Variants in PLB1 observed in about 807,000 individuals in gnomAD.
PLB1 encodes phospholipase B1.
A neutral mutation model predicts 227.4 loss-of-function variants in PLB1; 242 were observed. The observed-to-expected ratio is 1.06, with a 90% confidence interval of 0.96 to 1.18. PLB1 has a LOEUF of 1.18. PLB1 is among the 50% of genes most tolerant of loss of function. PLB1 has a pLI of 0.00. For synonymous variants in PLB1, 757 were observed against 682.2 expected (o/e 1.11, Z -1.71); for missense variants, 1,858 against 1,816.3 (o/e 1.02, Z -0.42).
chr2:28,566,040 C>G (rs1031645225), intron 19 of PLB1, among the ~76,000 whole-genome samples: 1 of 152,166 alleles, frequency 6.6e-6, no homozygotes, highest in Non-Finnish European at 1.5e-5. Context: ...TTTGGGCAGG[C>G]TTATTTCTGC....
chr2:28,550,276 A>T (rs1674020883), intron 16 of PLB1, among the ~76,000 whole-genome samples, 192 bp downstream of exon 16: 1 of 149,862 alleles, frequency 6.7e-6, no homozygotes, highest in Non-Finnish European at 1.5e-5. Context: ...GGGTTCAAGC[A>T]GTTCTCCTGC....
chr2:28,576,557 C>T (rs555119191), intron 21 of PLB1, among the ~76,000 whole-genome samples: 4 of 152,260 alleles, frequency 2.6e-5, no homozygotes, highest in African/African-American at 7.2e-5. Context: ...TGGTGAAATC[C>T]CGTCTCTACT....
intron 34 of PLB1, among the ~76,000 whole-genome samples, 198 bp from the exon 35 acceptor site, chr2:28,598,454 C>G (rs571356101): frequency 1.3e-5 from 2 of 152,296 alleles, no homozygotes; most frequent in Non-Finnish European, 2.9e-5. Flanking sequence ...GCCACCCTGG[C>G]CCACCTAGTC....
At chr2:28,613,431 T>G (rs1273031437) in intron 43 of PLB1, among the ~76,000 whole-genome samples, 13 of 152,212 alleles carry the variant, frequency 8.5e-5, no homozygotes. Context: ...TGCTTCCTTC[T>G]TCCTTCTTTA....
At chr2:28,638,798 A>G (rs1317281661) in intron 56 of PLB1, among the ~76,000 whole-genome samples, 1 of 148,866 alleles carries the variant, frequency 6.7e-6, no homozygotes, top group African/African-American at 2.5e-5. Context: ...GAAGTTTGGA[A>G]CTCACAGAGG....
chr2:28,559,867 T>C (rs1361522439), intron 17 of PLB1, among the ~76,000 whole-genome samples: 3 of 145,884 alleles, frequency 2.1e-5, no homozygotes, highest in Non-Finnish European at 3.0e-5. Context: ...TTCTCATGCC[T>C]CAGCCTCCCA....
chr2:28,594,212 C>A, intron 33 of PLB1: 1 of 340,292 alleles, frequency 2.9e-6, no homozygotes. Flanking sequence ...CCATCGCACA[C>A]TTCGAGAGGC....
chr2:28,571,216 A>G (rs1007571531), intron 20 of PLB1, among the ~76,000 whole-genome samples: 4 of 152,238 alleles, frequency 2.6e-5, no homozygotes, highest in Admixed American at 6.5e-5. Flanking sequence ...TCCATTTACA[A>G]TAGCATCAAA....
Position 28,626,509 on chromosome 2 carries a change from G to C in PLB1, c.3660+1G>C, listed in dbSNP as rs755186608. On this transcript the variant is annotated splice_donor_variant, in intron 51 of 57. Transcript: ENST00000327757. LOFTEE classifies it high-confidence loss of function. ...CTTGTGTCATTACTGTGAGAATCCG[G>C]TAGGCCCCCGACCAACCCCATGGGG... 1.2e-6 allele frequency: 2 copies of C among 1,613,558 alleles called. No homozygotes were observed. Among genetic ancestry groups the C allele is most frequent in the African/African-American group, 1.3e-5 (1 of 74,922 alleles).
At chr2:28,526,920 C>T (rs1465205379) in intron 6 of PLB1, among the ~76,000 whole-genome samples, 2 of 152,284 alleles carry the variant, frequency 1.3e-5, no homozygotes, top group East Asian at 1.9e-4. Flanking sequence ...TTCAGCCCTC[C>T]TGGATCTGAT....
rs542036266 is a variant in PLB1, at chr2:28,604,904, G to A, written c.2961+145G>A. ...GCTGGCAGGTGCAGGCTCCCTGAAC[G>A]CCTGAGCCACATCCGTATGTGCGAG... On this transcript the variant is annotated intron_variant, in intron 41 of 57. Transcript: ENST00000327757. The A allele has an allele frequency of 3.8e-5, 27 of 712,972 alleles. No individual in the cohort carries two copies. In the South Asian group the frequency reaches 3.8e-4, roughly 10 times the overall value. 44.2% of individuals were successfully genotyped at this position (712,972 alleles called of 1,614,324 possible). A position where few individuals can be genotyped will look rare whatever the true frequency, so the allele number is the denominator to read the frequency against.
At chr2:28,571,841 G>C (rs1186063108) in intron 20 of PLB1, among the ~76,000 whole-genome samples, 1 of 151,964 alleles carries the variant, frequency 6.6e-6, no homozygotes, top group African/African-American at 2.4e-5. Flanking sequence ...ACTCTAGGAA[G>C]AAAATACAGG....
chr2:28,628,968 CCCTCTCTGGG>C (rs1410461745), intron 52 of PLB1, 116 bp from the exon 53 acceptor site: 7 of 740,998 alleles, frequency 9.4e-6, no homozygotes, highest in Non-Finnish European at 1.6e-5. Context: ...AAGTTGCATC[CCCTCTCTGGG>C]CCTCAGTTTC....
chr2:28,573,858 G>A (rs1391701062), intron 21 of PLB1, among the ~76,000 whole-genome samples: 2 of 152,218 alleles, frequency 1.3e-5, no homozygotes, highest in African/African-American at 2.4e-5. Flanking sequence ...TATTGGATAC[G>A]AAAGTTCTGG....
Position 28,558,218 on chromosome 2 carries a change from G to A in PLB1, c.1148-4823G>A, listed in dbSNP as rs527456953. ...CTGCCTGCTACAAATTTAGGAGACA[G>A]GAATGGTAGGTTTCAGCTGCCTCTT... On this transcript the variant is annotated intron_variant, in intron 17 of 57. Transcript: ENST00000327757. Among the ~76,000 whole-genome samples, 11 of 151,978 alleles carry A rather than the reference G, an allele frequency of 7.2e-5. No homozygotes were observed. The South Asian group carries it at 2.3e-3, about 32-fold the overall frequency.
chr2:28,635,994 T>G (rs549333716), intron 56 of PLB1, among the ~76,000 whole-genome samples: 1 of 151,480 alleles, frequency 6.6e-6, no homozygotes, highest in South Asian at 2.1e-4. Context: ...TGTGTATGTG[T>G]GTATGTATGT....
intron 21 of PLB1, among the ~76,000 whole-genome samples, chr2:28,575,402 C>T (rs888340712): frequency 1.3e-5 from 2 of 152,158 alleles, no homozygotes; most frequent in African/African-American, 4.8e-5. Context: ...AAACATCACA[C>T]TACCATGTGG....
chr2:28,519,990 G>A (rs111768847), intron 4 of PLB1, among the ~76,000 whole-genome samples: 35 of 151,750 alleles, frequency 2.3e-4, no homozygotes, highest in African/African-American at 6.5e-4. Context: ...GTGTAATGGC[G>A]CAACCTTGGC....
At chr2:28,568,116 A>G (rs1221285707) in intron 20 of PLB1, among the ~76,000 whole-genome samples, 1 of 152,216 alleles carries the variant, frequency 6.6e-6, no homozygotes, top group Non-Finnish European at 1.5e-5. Flanking sequence ...TGTCGAATTT[A>G]GGTAGACAGG....
Sources: allele counts gnomAD v4.1 joint callset (sites outside exome capture counted in the v4.1 genomes callset), GRCh38; gene constraint gnomAD v4.1.1; transcripts MANE v1.5; gene names NCBI Gene and HGNC (gene_info 2026-07-23, HGNC 2026-07-21).